The following NUP155 variants were observed in gnomAD, a reference collection of about 807,000 sequenced individuals.
NUP155 encodes nucleoporin 155.
Under a neutral mutation model 180.4 loss-of-function variants are expected in NUP155, and 71 were observed. The observed-to-expected ratio is 0.39, with a 90% CI of 0.33 to 0.48. NUP155 has a LOEUF of 0.48. Ranked by LOEUF, NUP155 falls within the 20% of genes least tolerant of loss-of-function variation. NUP155 has a pLI of 0.91. For missense variants in NUP155, 1,553 were observed against 1,648.9 expected, an observed-to-expected ratio of 0.94 and a Z score of 1.01; for synonymous variants, 582 against 559.5, an observed-to-expected ratio of 1.04 and a Z score of -0.57.
intron 13 of NUP155, among the ~76,000 whole-genome samples, chr5:37,332,746 C>A (rs1309358935): frequency 6.6e-6 from 1 of 152,038 alleles, no homozygotes; most frequent in East Asian, 1.9e-4. Context: ...ATAGCTTGAG[C>A]TCAAGAGTTT....
In NUP155 at chr5:37,358,121, A is replaced by G. The variant is rs984304381; in HGVS notation, c.423T>C (p.Ser141=). Residue 141 remains serine, a synonymous_variant, in exon 4 of 35, where the codon AGT becomes AGC. Transcript: ENST00000231498. The part of the protein sequence containing the change: ...GGDLAYFDGL[S]ETILAVGLVK... ...CAAGCCCCACAGCAAGAATAGTCTC[A>G]CTAAGTCCATCAAAATAGGCAAGGT... is the stretch of plus-strand genomic sequence containing the variant. 4 of 1,613,282 alleles carry G rather than the reference A, an allele frequency of 2.5e-6. No homozygotes were observed. In the African/African-American group the frequency reaches 4.0e-5, roughly 16 times the overall value.
chr5:37,335,525 TTCTC>T (rs1166547270), intron 12 of NUP155, among the ~76,000 whole-genome samples: 4 of 152,194 alleles, frequency 2.6e-5, no homozygotes, highest in African/African-American at 4.8e-5. Flanking sequence ...CATATCTGCA[TTCTC>T]TCTCTTTCTG....
At position 37,341,003 on chromosome 5, in the gene NUP155, A is replaced by G. The variant is rs537053110; in HGVS notation, c.1246+87T>C. The G allele has an allele frequency of 3.6e-6, 4 of 1,111,624 alleles. No homozygotes were observed. The East Asian group carries it at 1.0e-4, about 29-fold the overall frequency. The allele number at this position is 1,111,624 out of a possible 1,614,324, so 68.9% of individuals were successfully genotyped here. ...AGTTCCCAGTTTCTACTGTTGCCAT[A>G]GGGTATTTTCAAATACTTCACAACA... On this transcript the variant is annotated intron_variant, in intron 11 of 34. Transcript: ENST00000231498.
chr5:37,345,502 C>A, intron 9 of NUP155, among the ~76,000 whole-genome samples: 1 of 129,660 alleles, frequency 7.7e-6, no homozygotes, highest in Non-Finnish European at 1.6e-5. Context: ...CAGAGTGTGA[C>A]TCCATTTCAA....
rs1194017842 is a variant in NUP155 at position 37,289,580 on chromosome 5, G to C, written c.*2320C>G. ...CCAAAAGGTATTGCAAGCATCTGTT[G>C]TGGGGCTGGAATTCCTAAAACCTCT... is the stretch of plus-strand genomic sequence containing the variant. On this transcript the variant is annotated 3_prime_UTR_variant, in exon 35 of 35. Coordinates refer to ENST00000231498, the MANE Select transcript of NUP155 (RefSeq NM_153485.3). 1 of 152,234 alleles carries C rather than the reference G, an allele frequency of 6.6e-6. No individual in the cohort carries two copies. Among genetic ancestry groups the C allele is most frequent in the African/African-American group, 2.4e-5 (1 of 41,458 alleles). The allele number at this position is 152,234 out of a possible 1,614,324, so 9.4% of individuals were successfully genotyped here. A position where few individuals can be genotyped will look rare whatever the true frequency, so the allele number is the denominator to read the frequency against.
chr5:37,367,933 G>A (rs567248825), intron 1 of NUP155, among the ~76,000 whole-genome samples: 4 of 152,272 alleles, frequency 2.6e-5, no homozygotes, highest in East Asian at 3.9e-4. Flanking sequence ...ACAGCCATGA[G>A]CCACCACACC....
intron 9 of NUP155, among the ~76,000 whole-genome samples, chr5:37,347,240 A>C (rs912218619): frequency 6.6e-6 from 1 of 152,186 alleles, no homozygotes; most frequent in East Asian, 1.9e-4. Flanking sequence ...AAAGAAGCAA[A>C]CAAAAAACCG....
chr5:37,358,775 T>G (rs1747010590), intron 3 of NUP155, among the ~76,000 whole-genome samples: 1 of 152,156 alleles, frequency 6.6e-6, no homozygotes, highest in African/African-American at 2.4e-5. Context: ...ACCCAGCACT[T>G]TGGGAGGCCG....
intron 33 of NUP155, 28 bp from the exon 34 acceptor site, chr5:37,293,013 T>C: frequency 7.2e-7 from 1 of 1,382,340 alleles, no homozygotes; most frequent in African/African-American, 1.4e-5. Flanking sequence ...TAATGAAATG[T>C]GAGGCAAATT....
intron 13 of NUP155, among the ~76,000 whole-genome samples, chr5:37,333,224 G>A (rs1483180585): frequency 6.6e-6 from 1 of 150,456 alleles, no homozygotes; most frequent in African/African-American, 2.4e-5. Flanking sequence ...GTGTGGTGGT[G>A]TGCGCCTGTA....
chr5:37,297,359 A>G (rs1742642420), intron 32 of NUP155, among the ~76,000 whole-genome samples: 1 of 151,992 alleles, frequency 6.6e-6, no homozygotes, highest in African/African-American at 2.4e-5. Context: ...TTCCTTAAAA[A>G]GAACTATGTA....
intron 30 of NUP155, among the ~76,000 whole-genome samples, chr5:37,300,806 C>T (rs912914993): frequency 5.9e-5 from 9 of 151,598 alleles, no homozygotes; most frequent in African/African-American, 2.2e-4. Context: ...CAACCACACA[C>T]CACCACACCT....
intron 9 of NUP155, among the ~76,000 whole-genome samples, chr5:37,344,939 G>C (rs1424047471): frequency 6.6e-6 from 1 of 151,562 alleles, no homozygotes; most frequent in East Asian, 1.9e-4. Context: ...TCCCAGGACT[G>C]TGAGAGGCTG....
At chr5:37,351,713 T>A (rs903582258) in intron 5 of NUP155, among the ~76,000 whole-genome samples, 6 of 149,144 alleles carry the variant, frequency 4.0e-5, no homozygotes, top group Non-Finnish European at 7.4e-5. Flanking sequence ...CCTCCCAGAG[T>A]GCTAAGATTA....
intron 19 of NUP155, among the ~76,000 whole-genome samples, chr5:37,324,795 C>CA (rs1252284044): frequency 6.6e-6 from 1 of 152,154 alleles, no homozygotes; most frequent in Non-Finnish European, 1.5e-5. Flanking sequence ...TCAAGCCTTC[C>CA]AAAGCATTGT....
chr5:37,333,666 T>C (rs750884701), intron 12 of NUP155, 33 bp from the exon 13 acceptor site: 1 of 1,556,750 alleles, frequency 6.4e-7, no homozygotes, highest in Admixed American at 1.7e-5. Flanking sequence ...TTATACATCA[T>C]ATTGAAGTTA....
At chr5:37,360,294 C>T (rs1049309251) in intron 3 of NUP155, among the ~76,000 whole-genome samples, 2 of 151,572 alleles carry the variant, frequency 1.3e-5, no homozygotes, top group African/African-American at 4.8e-5. Context: ...CCGTCCTGGC[C>T]AACATGGTGA....
At position 37,292,913 on chromosome 5, in the gene NUP155, C is replaced by G; in HGVS notation, c.4003G>C (p.Val1335Leu). ...DCIHVLLIRY[V>L]ENPSQVLNCE... ...TTTAAAACTTGGCTGGGATTCTCAA[C>G]ATATCTTATCAATAATACATGTATA... Residue 1335 changes from valine to leucine, a missense_variant, in exon 34 of 35, where the codon GTT becomes CTT. Transcript: ENST00000231498. 6.2e-7 allele frequency: 1 copy of G among 1,611,904 alleles called. No individual in the cohort carries two copies. The highest frequency in any genetic ancestry group is 8.5e-7 in the Non-Finnish European group (1 of 1,178,362).
chr5:37,304,668 T>C, intron 27 of NUP155, 71 bp downstream of exon 27: 1 of 1,085,340 alleles, frequency 9.2e-7, no homozygotes. Context: ...TTTACATCTA[T>C]ATATGTGCTT....
Sources: allele counts gnomAD v4.1 joint callset (sites outside exome capture counted in the v4.1 genomes callset), GRCh38; gene constraint gnomAD v4.1.1; transcripts MANE v1.5; gene names NCBI Gene and HGNC (gene_info 2026-07-23, HGNC 2026-07-21).